Variants in ATP2B1 observed in about 807,000 individuals in gnomAD.
The protein encoded by ATP2B1 is ATPase plasma membrane Ca2+ transporting 1.
In ATP2B1, 14 loss-of-function variants were observed where a neutral mutation model predicts 124.2. That is an observed-to-expected ratio of 0.11 (90% confidence interval 0.07 to 0.18). ATP2B1 has a LOEUF of 0.18. Ranked by LOEUF, ATP2B1 falls within the 10% of genes least tolerant of loss-of-function variation. ATP2B1 has a pLI of 1.00. For missense variants in ATP2B1, 763 were observed against 1,466.1 expected (o/e 0.52, Z 7.83); for synonymous variants, 449 against 492.4 (o/e 0.91, Z 1.17).
In ATP2B1 at chr12:89,588,270, C is replaced by A. The variant is rs1872973441; in HGVS notation, c.*2714G>T. Reference sequence around the variant, plus strand: ...AGTTTTTTTCTTATAAACAAATCACCAATTCTTGGTTCAAAACTGACATCT... The same window carrying A: ...AGTTTTTTTCTTATAAACAAATCACAAATTCTTGGTTCAAAACTGACATCT... On this transcript the variant is annotated 3_prime_UTR_variant, in exon 21 of 21. Transcript: ENST00000428670. The A allele has an allele frequency of 6.6e-6, 1 of 152,382 alleles. No individual in the cohort carries two copies. Among genetic ancestry groups the A allele is most frequent in the Non-Finnish European group, 1.5e-5 (1 of 67,970 alleles). The allele number at this position is 152,382 out of a possible 1,614,324, so 9.4% of individuals were successfully genotyped here.
chr12:89,626,007 C>T (rs1370916236), intron 8 of ATP2B1, among the ~76,000 whole-genome samples: 2 of 152,088 alleles, frequency 1.3e-5, no homozygotes, highest in Non-Finnish European at 2.9e-5. Flanking sequence ...CTAGTGATGG[C>T]AGTAATATAG....
chr12:89,613,978 A>G (rs1167830897), intron 12 of ATP2B1, among the ~76,000 whole-genome samples: 2 of 152,204 alleles, frequency 1.3e-5, no homozygotes, highest in Non-Finnish European at 2.9e-5. Flanking sequence ...ACATCGTCTC[A>G]ATTTAGTATA....
chr12:89,675,290 CT>C (rs1411884273), intron 1 of ATP2B1, among the ~76,000 whole-genome samples: 1 of 152,138 alleles, frequency 6.6e-6, no homozygotes, highest in East Asian at 1.9e-4. Flanking sequence ...TAGCAATAAG[CT>C]TATACTTTTC....
Position 89,603,542 on chromosome 12 carries a change from T to A in ATP2B1, c.2848+170A>T, listed in dbSNP as rs546039220. 5 of 710,462 alleles carry A rather than the reference T, an allele frequency of 7.0e-6. No homozygotes were observed. The highest frequency in any genetic ancestry group is 1.1e-5 in the Non-Finnish European group (5 of 435,952). 44.0% of individuals were successfully genotyped at this position (710,462 alleles called of 1,614,324 possible). ...CCTGTTTATTCTACTATCTAGCTTA[T>A]TGTCCTCCCAAATTTACTAAGCACT... On this transcript the variant is annotated intron_variant, in intron 17 of 20. Transcript: ENST00000428670. This position sits in a 1 kb window ranked among gnomAD's most constrained non-coding sequence, Gnocchi z 4.3.
At chr12:89,595,973 C>CA (rs1419193393) in intron 20 of ATP2B1, among the ~76,000 whole-genome samples, 3 of 151,996 alleles carry the variant, frequency 2.0e-5, no homozygotes, top group African/African-American at 2.4e-5. Flanking sequence ...CCCAGAAACT[C>CA]AGAGGTTTCA....
At chr12:89,691,647 A>T (rs1201210845) in intron 1 of ATP2B1, among the ~76,000 whole-genome samples, 1 of 152,190 alleles carries the variant, frequency 6.6e-6, no homozygotes, top group Non-Finnish European at 1.5e-5. Context: ...GTCACATACT[A>T]TGCTAGGTCC....
At chr12:89,604,643 C>A (rs974153648) in intron 15 of ATP2B1, among the ~76,000 whole-genome samples, 1 of 152,064 alleles carries the variant, frequency 6.6e-6, no homozygotes, top group African/African-American at 2.4e-5. Flanking sequence ...AAAAAGGTAT[C>A]TGTTAATAAA....
chr12:89,597,462 G>T (rs1334904560), intron 20 of ATP2B1, among the ~76,000 whole-genome samples: 1 of 152,280 alleles, frequency 6.6e-6, no homozygotes, highest in East Asian at 1.9e-4. Context: ...AACAGGGACA[G>T]TTCTTACTGT....
intron 1 of ATP2B1, among the ~76,000 whole-genome samples, chr12:89,672,440 C>T (rs1343111775): frequency 6.6e-6 from 1 of 152,014 alleles, no homozygotes; most frequent in East Asian, 1.9e-4. Flanking sequence ...GGTGACAGAA[C>T]GAGACTCCCT....
At chr12:89,644,064 G>C (rs1477719114) in intron 2 of ATP2B1, among the ~76,000 whole-genome samples, 1 of 152,148 alleles carries the variant, frequency 6.6e-6, no homozygotes, top group East Asian at 1.9e-4. Context: ...TGAGGTTGCA[G>C]TGAGCCACGA....
intron 1 of ATP2B1, among the ~76,000 whole-genome samples, chr12:89,660,021 C>CA (rs1404958865): frequency 6.7e-6 from 1 of 150,214 alleles, no homozygotes; most frequent in Non-Finnish European, 1.5e-5. Flanking sequence ...AAGAAAATAG[C>CA]AAAGTAAATT....
rs968237513 is a variant in ATP2B1, at chr12:89,628,297, G to C, written c.929-581C>G. ...TGCACCTGTAGTCCCAGCTAGTCAG[G>C]AGGTTGAGGCGGGAGAGTTGCTTGA... On this transcript the variant is annotated intron_variant, in intron 6 of 20. Coordinates refer to ENST00000428670, the MANE Select transcript of ATP2B1 (RefSeq NM_001366521.1). Among the ~76,000 whole-genome samples, 3 of 150,808 alleles carry C rather than the reference G, an allele frequency of 2.0e-5. No individual in the cohort carries two copies. In the South Asian group the frequency reaches 6.3e-4, roughly 32 times the overall value.
chr12:89,693,958 T>C lies in ATP2B1; in HGVS notation c.-222+14638A>G, dbSNP rs191864407. 2.6e-5 allele frequency among the ~76,000 whole-genome samples: 4 copies of C among 152,302 alleles called. No individual in the cohort carries two copies. In the East Asian group the frequency reaches 7.7e-4, roughly 29 times the overall value. On this transcript the variant is annotated intron_variant, in intron 1 of 20. Coordinates refer to ENST00000428670, the MANE Select transcript of ATP2B1 (RefSeq NM_001366521.1). ...CACCTCTCTCCATTCTTCTTCTATT[T>C]CTGCTTTCTCTTTGATTCCTCCCCA...
At chr12:89,699,124 G>T (rs1277852512) in intron 1 of ATP2B1, among the ~76,000 whole-genome samples, 1 of 152,138 alleles carries the variant, frequency 6.6e-6, no homozygotes, top group Non-Finnish European at 1.5e-5. Flanking sequence ...TGAGCTCTCA[G>T]GGAATTCTAT....
intron 2 of ATP2B1, among the ~76,000 whole-genome samples, chr12:89,646,439 G>A (rs903448140): frequency 4.1e-4 from 62 of 152,260 alleles, no homozygotes; most frequent in African/African-American, 1.4e-3. Flanking sequence ...AGGGCAAGAG[G>A]AGCCCAAGGC....
At chr12:89,619,688 T>C (rs537304738) in intron 11 of ATP2B1, among the ~76,000 whole-genome samples, 4 of 151,154 alleles carry the variant, frequency 2.6e-5, no homozygotes, top group African/African-American at 9.7e-5. Flanking sequence ...TTTTCAAGAT[T>C]CTGCATATTA....
intron 20 of ATP2B1, among the ~76,000 whole-genome samples, chr12:89,598,356 G>C (rs970719351): frequency 7.2e-5 from 11 of 152,266 alleles, no homozygotes; most frequent in African/African-American, 2.6e-4. Flanking sequence ...AGTTAGCACA[G>C]AGACAAGCTC....
chr12:89,704,302 T>C (rs552855557), intron 1 of ATP2B1, among the ~76,000 whole-genome samples: 3 of 152,294 alleles, frequency 2.0e-5, no homozygotes, highest in Non-Finnish European at 2.9e-5. Flanking sequence ...ATTAAAAATA[T>C]AGTATTTCAG....
chr12:89,605,368 T>A (rs1876631506), intron 15 of ATP2B1, among the ~76,000 whole-genome samples: 1 of 152,178 alleles, frequency 6.6e-6, no homozygotes, highest in South Asian at 2.1e-4. Flanking sequence ...TCTGCCCTCA[T>A]GTATGGATTA....
Sources: gnomAD v4.1 joint callset for allele counts (sites outside exome capture counted in the v4.1 genomes callset) on GRCh38, gnomAD v4.1.1 for gene constraint, Gnocchi (gnomAD v3.1) non-coding constraint, MANE v1.5 for transcripts, NCBI Gene and HGNC (gene_info 2026-07-23, HGNC 2026-07-21) for gene names.